The following CREB5 variants were observed in gnomAD, a reference collection of about 807,000 sequenced individuals.
CREB5 encodes the protein cAMP responsive element binding protein 5, also known as cyclic AMP-responsive element-binding protein 5.
A neutral mutation model predicts 57.1 loss-of-function variants in CREB5; 19 were observed. The observed-to-expected ratio is 0.33, with a 90% CI of 0.23 to 0.49. CREB5 has a LOEUF of 0.49. Ranked by LOEUF, CREB5 falls within the 20% of genes least tolerant of loss-of-function variation. CREB5 has a pLI of 0.99. For synonymous variants in CREB5, 238 were observed against 238.3 expected, an observed-to-expected ratio of 1.00 and a Z score of 0.01; for missense variants, 579 against 671.6, an observed-to-expected ratio of 0.86 and a Z score of 1.52.
intron 1 of CREB5, among the ~76,000 whole-genome samples, chr7:28,456,529 G>C (rs1790100562): frequency 6.6e-6 from 1 of 152,146 alleles, no homozygotes; most frequent in Non-Finnish European, 1.5e-5. Context: ...GCTTCATTGT[G>C]AAGGATTGCC....
At chr7:28,389,479 A>T (rs1787171748) in intron 1 of CREB5, among the ~76,000 whole-genome samples, 1 of 152,168 alleles carries the variant, frequency 6.6e-6, no homozygotes, top group Non-Finnish European at 1.5e-5. Flanking sequence ...TGTAAAATGG[A>T]GACCTCATGG....
chr7:28,748,503 G>A (rs1044102047), intron 7 of CREB5, among the ~76,000 whole-genome samples: 2 of 152,224 alleles, frequency 1.3e-5, no homozygotes, highest in African/African-American at 2.4e-5. Context: ...AGCCAAGGAC[G>A]ACGAATTACT....
intron 1 of CREB5, among the ~76,000 whole-genome samples, chr7:28,396,359 T>C (rs1162997419): frequency 6.6e-6 from 1 of 152,200 alleles, no homozygotes; most frequent in Non-Finnish European, 1.5e-5. Context: ...ATAAGATACA[T>C]GATCTTTTGT....
chr7:28,560,909 C>CAT (rs1234708882), intron 4 of CREB5, among the ~76,000 whole-genome samples: 2 of 32,654 alleles, frequency 6.1e-5, no homozygotes, highest in African/African-American at 3.3e-4. Flanking sequence ...TGCGCGCGTG[C>CAT]GTGTGCGTGT....
rs200142820 is a variant in CREB5 at position 28,592,334 on chromosome 7, T to C, written c.464+21797T>C. Among the ~76,000 whole-genome samples, 3 of 152,224 alleles carry C rather than the reference T, an allele frequency of 2.0e-5. No individual in the cohort carries two copies. The East Asian group carries it at 5.8e-4, about 29-fold the overall frequency. ...AACTGTGGCCAACATAATTTTTGTC[T>C]TGCAAAGAACTTTGAGGGAATAGAA... is the stretch of plus-strand genomic sequence containing the variant. On this transcript the variant is annotated intron_variant, in intron 5 of 10. Coordinates refer to ENST00000357727, the MANE Select transcript of CREB5 (RefSeq NM_182898.4).
In CREB5 at chr7:28,822,142, C is replaced by T. The variant is rs148516006; in HGVS notation, c.*2863C>T. On this transcript the variant is annotated 3_prime_UTR_variant, in exon 11 of 11. Coordinates refer to ENST00000357727, the MANE Select transcript of CREB5 (RefSeq NM_182898.4). ...AAAACCAACCACACACATTAGCAAA[C>T]CGGCCTCAACATATAATTAGAATAA... 10 of 152,322 alleles carry T rather than the reference C, an allele frequency of 6.6e-5. No individual in the cohort carries two copies. The highest frequency in any genetic ancestry group is 1.9e-4 in the African/African-American group (8 of 41,570). 9.4% of individuals were successfully genotyped at this position (152,322 alleles called of 1,614,324 possible). A position where few individuals can be genotyped will look rare whatever the true frequency, so the allele number is the denominator to read the frequency against.
At chr7:28,367,970 C>A (rs1277798053) in intron 1 of CREB5, among the ~76,000 whole-genome samples, 1 of 152,208 alleles carries the variant, frequency 6.6e-6, no homozygotes, top group Non-Finnish European at 1.5e-5. Flanking sequence ...TTCCTACTGA[C>A]CTCCCTGCTT....
rs899708113 is a variant in CREB5 at position 28,416,836 on chromosome 7, A to G, written c.3+3919A>G. Among the ~76,000 whole-genome samples the G allele has an allele frequency of 2.6e-5, 4 of 152,160 alleles. No homozygotes were observed. The East Asian group carries it at 5.8e-4, about 22-fold the overall frequency. On this transcript the variant is annotated intron_variant, in intron 1 of 10. Transcript: ENST00000357727. ...GATTCATTCTTTAACATCCATTTCA[A>G]CTACTCTGCCTTGATGAATAATCCT...
chr7:28,500,832 A>C lies in CREB5; in HGVS notation c.169+5833A>C, dbSNP rs563548080. 8.8e-4 allele frequency among the ~76,000 whole-genome samples: 134 copies of C among 152,222 alleles called. 2 individuals carry two copies. In the South Asian group the frequency reaches 0.025, roughly 28 times the overall value. On this transcript the variant is annotated intron_variant, in intron 3 of 10. Coordinates refer to ENST00000357727, the MANE Select transcript of CREB5 (RefSeq NM_182898.4). ...AAAACTGAGTAAATAAATCACACGC[A>C]CACACACACGTGACCCATACTTACC...
At chr7:28,399,830 T>C (rs1350549759) in intron 1 of CREB5, among the ~76,000 whole-genome samples, 1 of 151,512 alleles carries the variant, frequency 6.6e-6, no homozygotes, top group African/African-American at 2.4e-5. Flanking sequence ...CGAGGTGGGT[T>C]GATCAATTGA....
At chr7:28,302,384 CAT>C (rs377410748) in intron 1 of CREB5, among the ~76,000 whole-genome samples, 2 of 152,134 alleles carry the variant, frequency 1.3e-5, no homozygotes, top group African/African-American at 4.8e-5. Context: ...ATGATTCACA[CAT>C]GTTAAAGCTG....
intron 2 of CREB5, among the ~76,000 whole-genome samples, chr7:28,494,067 G>T (rs1791916041): frequency 6.6e-6 from 1 of 151,982 alleles, no homozygotes; most frequent in Admixed American, 6.6e-5. Context: ...TCCTATTTTT[G>T]GTTAATCCAT....
chr7:28,589,561 AAAAC>A (rs960455119), intron 5 of CREB5, among the ~76,000 whole-genome samples: 4 of 152,198 alleles, frequency 2.6e-5, no homozygotes, highest in Non-Finnish European at 4.4e-5. Flanking sequence ...CTCAAAAACA[AAAAC>A]AAAAAGAAAA....
At chr7:28,627,102 C>T (rs966232833) in intron 5 of CREB5, among the ~76,000 whole-genome samples, 9 of 152,248 alleles carry the variant, frequency 5.9e-5, no homozygotes, top group African/African-American at 1.9e-4. Context: ...TGGCCTTCTG[C>T]CAGGGTGTCT....
At chr7:28,534,888 C>T (rs1293381763) in intron 4 of CREB5, among the ~76,000 whole-genome samples, 2 of 141,754 alleles carry the variant, frequency 1.4e-5, no homozygotes, top group African/African-American at 5.2e-5. Flanking sequence ...AGTGAGAAAG[C>T]CCAGGTTTGA....
rs138161111 is a variant in CREB5, at chr7:28,583,811, C to T, written c.464+13274C>T. Among the ~76,000 whole-genome samples the T allele has an allele frequency of 1.8e-3, 269 of 152,040 alleles. 6 individuals are homozygous for T. The East Asian group carries it at 0.05, about 28-fold the overall frequency. On this transcript the variant is annotated intron_variant, in intron 5 of 10. Coordinates refer to ENST00000357727, the MANE Select transcript of CREB5 (RefSeq NM_182898.4). ...CTCCTGCCTCAGCCTCCAGAGTAGC[C>T]GGGTTTACAGGCATGATCCCCCACG...
At chr7:28,462,962 C>A (rs1050296868) in intron 1 of CREB5, among the ~76,000 whole-genome samples, 2 of 151,918 alleles carry the variant, frequency 1.3e-5, no homozygotes, top group Admixed American at 6.6e-5. Context: ...GTTGCTGGTA[C>A]TTTTAGTTTC....
intron 5 of CREB5, among the ~76,000 whole-genome samples, chr7:28,681,247 A>G (rs756865149): frequency 4.6e-5 from 7 of 152,240 alleles, no homozygotes; most frequent in Non-Finnish European, 1.0e-4. Flanking sequence ...AGTGTGAGCA[A>G]TAATACAAAC....
chr7:28,414,913 A>T (rs925805650), intron 1 of CREB5, among the ~76,000 whole-genome samples: 6 of 152,152 alleles, frequency 3.9e-5, no homozygotes. Context: ...TAAAAGATAA[A>T]GTTTAGGATA....
Sources: allele counts gnomAD v4.1 joint callset (sites outside exome capture counted in the v4.1 genomes callset), GRCh38; gene constraint gnomAD v4.1.1; transcripts MANE v1.5; gene names NCBI Gene and HGNC (gene_info 2026-07-23, HGNC 2026-07-21).